ADARB2: variants seen among roughly 807,000 people sequenced by gnomAD.
The protein encoded by ADARB2 is adenosine deaminase RNA specific B2 (inactive).
A neutral mutation model predicts 62.2 loss-of-function variants in ADARB2; 25 were observed. The observed-to-expected ratio is 0.40, with a 90% CI of 0.29 to 0.56. The LOEUF (loss-of-function observed/expected upper bound fraction) is 0.56. Among genes scored for constraint, ADARB2 ranks in the 20% least tolerant of loss-of-function variants. ADARB2 has a pLI of 0.43. For synonymous variants in ADARB2, 572 were observed against 500.8 expected, an observed-to-expected ratio of 1.14 and a Z score of -1.90; for missense variants, 1,071 against 1,077.4, an observed-to-expected ratio of 0.99 and a Z score of 0.08.
chr10:1,328,123 C>G (rs182447736), intron 3 of ADARB2, among the ~76,000 whole-genome samples: 9 of 152,128 alleles, frequency 5.9e-5, no homozygotes, highest in African/African-American at 2.2e-4. Flanking sequence ...GCTCAGCAGG[C>G]GTGGAGAGGC....
At chr10:1,624,740 C>G (rs765365800) in intron 1 of ADARB2, among the ~76,000 whole-genome samples, 2 of 152,172 alleles carry the variant, frequency 1.3e-5, no homozygotes, top group Non-Finnish European at 2.9e-5. Flanking sequence ...CATAATTACT[C>G]ATTACCAATA....
At chr10:1,348,089 A>C (rs1439548053) in intron 3 of ADARB2, among the ~76,000 whole-genome samples, 1 of 152,068 alleles carries the variant, frequency 6.6e-6, no homozygotes, top group Non-Finnish European at 1.5e-5. Flanking sequence ...TGGGAATGTG[A>C]ATCCCGGGCC....
intron 3 of ADARB2, among the ~76,000 whole-genome samples, chr10:1,286,179 G>A (rs2131807826): frequency 6.6e-6 from 1 of 152,236 alleles, no homozygotes; most frequent in South Asian, 2.1e-4. Flanking sequence ...ATGGAGGTGG[G>A]ACACACCTCG....
chr10:1,586,880 A>C (rs2132004792), intron 1 of ADARB2, among the ~76,000 whole-genome samples: 1 of 152,340 alleles, frequency 6.6e-6, no homozygotes, highest in East Asian at 1.9e-4. Context: ...AATATGAAAC[A>C]ATAAACAGAA....
chr10:1,505,057 T>C (rs1000640407), intron 1 of ADARB2, among the ~76,000 whole-genome samples: 1 of 150,032 alleles, frequency 6.7e-6, no homozygotes, highest in African/African-American at 2.5e-5. Flanking sequence ...CACAGACACA[T>C]GCATACAGAC....
At chr10:1,592,332 C>T (rs1170464926) in intron 1 of ADARB2, among the ~76,000 whole-genome samples, 6 of 141,376 alleles carry the variant, frequency 4.2e-5, no homozygotes, top group East Asian at 2.0e-4. Flanking sequence ...TCGCCCAAGC[C>T]ACCCTCCATA....
intron 3 of ADARB2, among the ~76,000 whole-genome samples, chr10:1,330,556 C>T (rs999064201): frequency 6.6e-6 from 1 of 152,160 alleles, no homozygotes; most frequent in Non-Finnish European, 1.5e-5. Flanking sequence ...CCCCTGAGAG[C>T]AGAACTGGGG....
In ADARB2 at chr10:1,190,110, T is replaced by G. The variant is rs576744770; in HGVS notation, c.1865-5071A>C. 4.4e-4 allele frequency among the ~76,000 whole-genome samples: 67 copies of G among 152,100 alleles called. 1 individual carries two copies. The South Asian group carries it at 0.012, about 26-fold the overall frequency. On this transcript the variant is annotated intron_variant, in intron 8 of 9. Coordinates refer to ENST00000381312, the MANE Select transcript of ADARB2 (RefSeq NM_018702.4). The stretch of plus-strand genomic sequence containing the variant: ...AGGCCAGCTGAGCTCCAAGGAGAAA[T>G]GCGTCCTCCTGAGAAATTGCACGCA...
At chr10:1,707,944 T>C (rs1834910032) in intron 1 of ADARB2, among the ~76,000 whole-genome samples, 1 of 152,194 alleles carries the variant, frequency 6.6e-6, no homozygotes, top group Non-Finnish European at 1.5e-5. Flanking sequence ...CCTCCATTTT[T>C]TCTCATCATG....
At chr10:1,512,753 C>T (rs1471763086) in intron 1 of ADARB2, among the ~76,000 whole-genome samples, 1 of 152,182 alleles carries the variant, frequency 6.6e-6, no homozygotes, top group Non-Finnish European at 1.5e-5. Context: ...GTTGTTTGTC[C>T]CCCAGGGATG....
chr10:1,355,566 T>C (rs1423733423), intron 3 of ADARB2, among the ~76,000 whole-genome samples: 1 of 152,254 alleles, frequency 6.6e-6, no homozygotes, highest in Non-Finnish European at 1.5e-5. Context: ...ACTGTTGTTA[T>C]CATCAGTAAT....
chr10:1,615,675 T>C (rs1026471757), intron 1 of ADARB2, among the ~76,000 whole-genome samples: 11 of 152,212 alleles, frequency 7.2e-5, no homozygotes, highest in Non-Finnish European at 1.3e-4. Flanking sequence ...GGAGATGTAG[T>C]GAGCAAAGGA....
At chr10:1,285,227 G>A (rs554542147) in intron 3 of ADARB2, among the ~76,000 whole-genome samples, 17 of 152,276 alleles carry the variant, frequency 1.1e-4, no homozygotes, top group South Asian at 1.0e-3. Context: ...TCTTGGCAGC[G>A]GGGCAGGGTT....
chr10:1,664,235 G>T (rs1478292617), intron 1 of ADARB2, among the ~76,000 whole-genome samples: 1 of 151,914 alleles, frequency 6.6e-6, no homozygotes, highest in Non-Finnish European at 1.5e-5. Flanking sequence ...TCAGTGTGTG[G>T]GTTTCTGTGT....
chr10:1,733,298 A>G (rs1835256799), intron 1 of ADARB2, among the ~76,000 whole-genome samples: 1 of 152,246 alleles, frequency 6.6e-6, no homozygotes, highest in Admixed American at 6.5e-5. Flanking sequence ...AGCCTTTTTC[A>G]AAGAAAAATT....
chr10:1,400,254 C>T (rs528190134), intron 1 of ADARB2, among the ~76,000 whole-genome samples: 38 of 152,316 alleles, frequency 2.5e-4, no homozygotes, highest in African/African-American at 6.7e-4. Flanking sequence ...CCAATTCCAC[C>T]GCAGGGCTGA....
intron 3 of ADARB2, among the ~76,000 whole-genome samples, chr10:1,333,751 G>T (rs1831949259): frequency 6.6e-6 from 1 of 152,168 alleles, no homozygotes; most frequent in South Asian, 2.1e-4. Context: ...TATCTGTGGG[G>T]CCGATGGTGA....
intron 1 of ADARB2, among the ~76,000 whole-genome samples, chr10:1,663,053 A>G (rs1909428): frequency 0.44 from 66,855 of 152,150 alleles, 15,219 homozygotes; most frequent in African/African-American, 0.56. Flanking sequence ...GCAATGTTCA[A>G]TTGAATTATT....
chr10:1,609,011 T>C (rs1833533073), intron 1 of ADARB2, among the ~76,000 whole-genome samples: 1 of 152,152 alleles, frequency 6.6e-6, no homozygotes, highest in South Asian at 2.1e-4. Context: ...ATTGCACGGC[T>C]AATGCAGAAG....
Sources: gnomAD v4.1 joint callset for allele counts (sites outside exome capture counted in the v4.1 genomes callset) on GRCh38, gnomAD v4.1.1 for gene constraint, MANE v1.5 for transcripts, NCBI Gene and HGNC (gene_info 2026-07-23, HGNC 2026-07-21) for gene names.